The following ITGB2 variants were observed in gnomAD, a reference collection of about 807,000 sequenced individuals.
The protein encoded by ITGB2 is integrin subunit beta 2, also known as integrin beta-2.
In ITGB2, 56 loss-of-function variants were observed where a neutral mutation model predicts 86.8. The ratio of observed to expected loss-of-function variants is 0.65; its 90% CI spans 0.52 to 0.81. The LOEUF (loss-of-function observed/expected upper bound fraction) is 0.81, where lower values mean the gene tolerates loss of function less well. Ranked by LOEUF, ITGB2 falls within the 30% of genes least tolerant of loss-of-function variation. The pLI is 0.00. For missense variants in ITGB2, 948 were observed against 1,061.2 expected (o/e 0.89, Z 1.48); for synonymous variants, 457 against 450.4 (o/e 1.01, Z -0.19).
At chr21:44,921,671 C>T (rs2084307241), upstream of ITGB2, among the ~76,000 whole-genome samples, 1 of 152,130 alleles carries the variant, frequency 6.6e-6, no homozygotes, top group South Asian at 2.1e-4. Context: ...AGAGCAAGGA[C>T]TCAGACACAT....
chr21:44,922,999 C>T (rs1004145129), upstream of ITGB2: 1 of 152,226 alleles, frequency 6.6e-6, no homozygotes, highest in Non-Finnish European at 1.5e-5. Context: ...CAATGACCCT[C>T]GCTGCGAACG....
At chr21:44,923,301 A>C (rs2084332314), upstream of ITGB2, among the ~76,000 whole-genome samples, 1 of 152,178 alleles carries the variant, frequency 6.6e-6, no homozygotes, top group Non-Finnish European at 1.5e-5. Context: ...TAATAGAACC[A>C]ATTGCAATGC....
chr21:44,893,977 C>A, intron 9 of ITGB2: 1 of 306,388 alleles, frequency 3.3e-6, no homozygotes, highest in South Asian at 2.8e-5. Context: ...CAGAGACAGA[C>A]AGAGATGGGG....
chr21:44,927,182 C>T (rs1018089888), intron 1 of ITGB2, among the ~76,000 whole-genome samples: 4 of 152,106 alleles, frequency 2.6e-5, no homozygotes, highest in South Asian at 2.1e-4. Context: ...GAAGTTTCCA[C>T]GGAGGAGACC....
chr21:44,888,840 C>A lies in ITGB2; in HGVS notation c.1933G>T (p.Ala645Ser), dbSNP rs142112499. 3.0e-5 allele frequency: 49 copies of A among 1,610,238 alleles called. No homozygotes were observed. The African/African-American group carries it at 4.7e-4, about 15-fold the overall frequency. ...GACAGCTGCAGGCCCGGACACGCCG[C>A]GCTGCAGTTCTTCCCAAAGGGGCCC... ...EKGPFGKNCS[A>S]ACPGLQLSNN... Residue 645 changes from alanine (A) to serine (S), a missense_variant, in exon 14 of 16, where the codon GCG becomes TCG. Transcript: ENST00000652462.
chr21:44,906,975 C>G lies in ITGB2; in HGVS notation c.268G>C (p.Asp90His). The G allele has an allele frequency of 6.2e-7, 1 of 1,614,208 alleles. No individual in the cohort carries two copies. Residue 90 changes from aspartate (D) to histidine (H), a missense_variant, in exon 4 of 16, where the codon GAC (aspartate) becomes CAC (histidine). Physicochemically the swap from Asp to His is moderately conservative, Grantham distance 81. Coordinates refer to ENST00000652462, the MANE Select transcript of ITGB2 (RefSeq NM_000211.5). ...AGCTGCTTCTGGCCCCCATTGTGGT[C>G]TTCCTGGGTTTCAGCGAGGCTTGTG... is the stretch of plus-strand genomic sequence containing the variant. Reference protein sequence around the residue: ...DPTSLAETQEDHNGGQKQLSP... With the variant: ...DPTSLAETQEHHNGGQKQLSP...
chr21:44,923,556 G>T (rs1025539479), upstream of ITGB2, among the ~76,000 whole-genome samples: 7 of 152,122 alleles, frequency 4.6e-5, no homozygotes, highest in Non-Finnish European at 7.3e-5. Flanking sequence ...GGGACATGGG[G>T]CTTCACTAAT....
intron 1 of ITGB2, among the ~76,000 whole-genome samples, chr21:44,919,522 G>A (rs983705202): frequency 5.3e-5 from 8 of 152,200 alleles, no homozygotes; most frequent in African/African-American, 1.9e-4. Flanking sequence ...ATGGTGAAAC[G>A]CTGGGGTGAC....
intron 7 of ITGB2, 53 bp from the exon 8 acceptor site, chr21:44,899,215 A>G (rs2083911958): frequency 7.5e-7 from 1 of 1,335,794 alleles, no homozygotes; most frequent in Non-Finnish European, 1.1e-6. Flanking sequence ...CAAGGCTTCC[A>G]GGTACCCGCC....
At chr21:44,900,210 T>C in intron 7 of ITGB2, 110 bp downstream of exon 7, 1 of 1,422,964 alleles carries the variant, frequency 7.0e-7, no homozygotes, top group Non-Finnish European at 9.8e-7. Flanking sequence ...TCCTCAGGAA[T>C]CTGCTCCTTG....
At chr21:44,908,242 T>C in intron 3 of ITGB2, 1 of 630,586 alleles carries the variant, frequency 1.6e-6, no homozygotes, top group South Asian at 1.8e-5. Context: ...GAGACACCAC[T>C]TCTCCTGCTG....
chr21:44,886,271 A>G lies in ITGB2; in HGVS notation c.*97T>C. 8.8e-7 allele frequency: 1 copy of G among 1,141,826 alleles called. No homozygotes were observed. The highest frequency in any genetic ancestry group is 1.3e-6 in the Non-Finnish European group (1 of 750,606). 70.7% of individuals were successfully genotyped at this position (1,141,826 alleles called of 1,614,324 possible). A position where few individuals can be genotyped will look rare whatever the true frequency, so the allele number is the denominator to read the frequency against. ...CGGAAAATAACTGGATTTCTGGTTA[A>G]TTGGTGACATCCTCAAGAGCTGTGG... is the stretch of plus-strand genomic sequence containing the variant. On this transcript the variant is annotated 3_prime_UTR_variant, in exon 16 of 16. Coordinates refer to ENST00000652462, the MANE Select transcript of ITGB2 (RefSeq NM_000211.5).
At chr21:44,904,244 C>T (rs929097965) in intron 4 of ITGB2, among the ~76,000 whole-genome samples, 1 of 152,148 alleles carries the variant, frequency 6.6e-6, no homozygotes, top group African/African-American at 2.4e-5. Flanking sequence ...CCCACTCCAC[C>T]CCCAACCTGC....
upstream of ITGB2, among the ~76,000 whole-genome samples, chr21:44,923,736 T>G (rs1486417760): frequency 2.0e-5 from 3 of 152,272 alleles, no homozygotes; most frequent in Non-Finnish European, 4.4e-5. Flanking sequence ...GTGTCCTTAA[T>G]GCCACGGAAA....
intron 5 of ITGB2, among the ~76,000 whole-genome samples, chr21:44,902,008 G>A (rs2083967336): frequency 1.3e-5 from 2 of 152,240 alleles, no homozygotes; most frequent in African/African-American, 4.8e-5. Context: ...GTGTGACCAG[G>A]TATACATGTG....
At chr21:44,923,126 G>A (rs1055393103), upstream of ITGB2, 17 of 152,220 alleles carry the variant, frequency 1.1e-4, no homozygotes, top group South Asian at 6.2e-4. Flanking sequence ...GAATCAGGTC[G>A]AACTTTTTAG....
chr21:44,928,696 C>T (rs1410719835), exon 1 of ITGB2: 2 of 166,084 alleles, frequency 1.2e-5, no homozygotes, highest in Non-Finnish European at 2.6e-5. Context: ...CACTTGCTGT[C>T]AAAGCATGCC....
At chr21:44,901,985 C>T (rs1295988061) in intron 5 of ITGB2, among the ~76,000 whole-genome samples, 1 of 152,128 alleles carries the variant, frequency 6.6e-6, no homozygotes, top group Non-Finnish European at 1.5e-5. Flanking sequence ...CATGTGTGTT[C>T]CTGCATGTAT....
intron 7 of ITGB2, among the ~76,000 whole-genome samples, chr21:44,899,758 G>A (rs941972050): frequency 2.6e-5 from 4 of 152,196 alleles, no homozygotes; most frequent in Non-Finnish European, 5.9e-5. Flanking sequence ...AGATGCCTCC[G>A]CAGAGAGGCT....
Sources: allele counts gnomAD v4.1 joint callset (sites outside exome capture counted in the v4.1 genomes callset), GRCh38; gene constraint gnomAD v4.1.1; transcripts MANE v1.5; gene names NCBI Gene and HGNC (gene_info 2026-07-23, HGNC 2026-07-21).